COL11A1: variants seen among roughly 807,000 people sequenced by gnomAD.
The protein encoded by COL11A1 is collagen type XI alpha 1 chain.
In COL11A1, 74 loss-of-function variants were observed where a neutral mutation model predicts 265.2. The observed-to-expected ratio is 0.28, with a 90% CI of 0.23 to 0.34. The LOEUF (loss-of-function observed/expected upper bound fraction) is 0.34. Ranked by LOEUF, COL11A1 falls within the 10% of genes least tolerant of loss-of-function variation. The pLI, the probability that COL11A1 is intolerant of heterozygous loss-of-function variation, is 1.00. For missense variants in COL11A1, 2,165 were observed against 2,263.6 expected (o/e 0.96, Z 0.88); for synonymous variants, 816 against 727.6 (o/e 1.12, Z -1.96).
At chr1:102,940,596 G>T (rs1278085349) in intron 42 of COL11A1, among the ~76,000 whole-genome samples, 162 bp from the exon 43 acceptor site, 1 of 152,090 alleles carries the variant, frequency 6.6e-6, no homozygotes, top group African/African-American at 2.4e-5. Flanking sequence ...TTGTGACTAA[G>T]AATACTATTT....
At chr1:103,021,820 T>G in intron 8 of COL11A1, 51 bp from the exon 9 acceptor site, 1 of 1,244,944 alleles carries the variant, frequency 8.0e-7, no homozygotes, top group African/African-American at 1.6e-5. Context: ...GACCATTTCT[T>G]TCTTTCTTTC....
At chr1:103,054,786 A>G (rs994406129) in intron 4 of COL11A1, among the ~76,000 whole-genome samples, 1 of 152,058 alleles carries the variant, frequency 6.6e-6, no homozygotes, top group Non-Finnish European at 1.5e-5. Flanking sequence ...CTGTAATCCC[A>G]GATACTCTGG....
At chr1:102,902,960 C>T (rs12075301) in intron 54 of COL11A1, among the ~76,000 whole-genome samples, 2,434 of 151,744 alleles carry the variant, frequency 0.016, 72 homozygotes, top group African/African-American at 0.056. Context: ...CAGTTAATAA[C>T]AACAGTTACC....
intron 4 of COL11A1, among the ~76,000 whole-genome samples, chr1:103,063,965 T>C (rs1670872907): frequency 6.6e-6 from 1 of 152,180 alleles, no homozygotes; most frequent in Admixed American, 6.5e-5. Flanking sequence ...TTCAACATCA[T>C]ATGTCATTAG....
chr1:102,877,019 T>C lies in COL11A1; in HGVS notation c.*1000A>G, dbSNP rs1306015294. On this transcript the variant is annotated 3_prime_UTR_variant, in exon 67 of 67. Transcript: ENST00000370096. ...CTTGATTGATAAGAAAATCTAACATTGCACAAATTCATAAATAATTGCTTA... is the reference window on the plus strand; with the variant it reads ...CTTGATTGATAAGAAAATCTAACATCGCACAAATTCATAAATAATTGCTTA... 1.3e-5 allele frequency: 2 copies of C among 152,578 alleles called. No homozygotes were observed. The highest frequency in any genetic ancestry group is 2.9e-5 in the Non-Finnish European group (2 of 68,004). 9.5% of individuals were successfully genotyped at this position (152,578 alleles called of 1,614,324 possible). A position where few individuals can be genotyped will look rare whatever the true frequency, so the allele number is the denominator to read the frequency against.
chr1:103,015,578 T>C (rs1666496337), intron 12 of COL11A1, 90 bp downstream of exon 12: 2 of 981,402 alleles, frequency 2.0e-6, no homozygotes, highest in Admixed American at 4.3e-5. Context: ...TGGTTTTTAG[T>C]TGATTGCTCT....
chr1:102,890,526 AC>A (rs750719217), intron 57 of COL11A1, 22 bp from the exon 58 acceptor site: 5 of 1,531,730 alleles, frequency 3.3e-6, no homozygotes, highest in South Asian at 1.2e-5. Context: ...CAAAAAAAAA[AC>A]CCCAAAACAA....
chr1:103,028,590 G>A (rs1245609872), intron 5 of COL11A1, among the ~76,000 whole-genome samples: 1 of 151,994 alleles, frequency 6.6e-6, no homozygotes, highest in African/African-American at 2.4e-5. Context: ...AAAAAGACAG[G>A]CAGTAATGGA....
In COL11A1 at chr1:103,108,062, T is replaced by C. The variant is rs766679266; in HGVS notation, c.106+11A>G. The C allele has an allele frequency of 7.4e-6, 12 of 1,610,762 alleles. No individual in the cohort carries two copies. The African/African-American group carries it at 8.0e-5, about 11-fold the overall frequency. On this transcript the variant is annotated intron_variant, in intron 1 of 66. Transcript: ENST00000370096. ...GCAATCTCCCACCTCCCCAAATCCATTTTTTCTTACCTCCTCTGACCTCTC... is the reference window on the plus strand; with the variant it reads ...GCAATCTCCCACCTCCCCAAATCCACTTTTTCTTACCTCCTCTGACCTCTC...
At chr1:102,881,187 A>T (rs1650197143) in intron 65 of COL11A1, among the ~76,000 whole-genome samples, 1 of 152,096 alleles carries the variant, frequency 6.6e-6, no homozygotes, top group Non-Finnish European at 1.5e-5. Flanking sequence ...GATTAATTTA[A>T]TTTTGACATC....
At chr1:103,064,233 T>C (rs1670896723) in intron 4 of COL11A1, among the ~76,000 whole-genome samples, 1 of 152,106 alleles carries the variant, frequency 6.6e-6, no homozygotes, top group African/African-American at 2.4e-5. Context: ...AATTTATGCC[T>C]ACATGAAAAC....
At chr1:102,943,843 C>A (rs1340244365) in intron 42 of COL11A1, among the ~76,000 whole-genome samples, 1 of 152,080 alleles carries the variant, frequency 6.6e-6, no homozygotes, top group Non-Finnish European at 1.5e-5. Context: ...CTACAACTGT[C>A]CCCAAATAGA....
At chr1:103,023,725 ATAAGTT>A (rs1353061471) in intron 7 of COL11A1, among the ~76,000 whole-genome samples, 2 of 152,206 alleles carry the variant, frequency 1.3e-5, no homozygotes, top group South Asian at 2.1e-4. Context: ...GATAAGCCAT[ATAAGTT>A]TGAGTCTCAT....
chr1:103,032,611 A>G (rs1343071373), intron 4 of COL11A1, among the ~76,000 whole-genome samples: 1 of 152,098 alleles, frequency 6.6e-6, no homozygotes, highest in Non-Finnish European at 1.5e-5. Flanking sequence ...AGAATTGAGT[A>G]TAAGTTATTT....
intron 35 of COL11A1, among the ~76,000 whole-genome samples, chr1:102,977,023 C>A (rs1662559143): frequency 6.6e-6 from 1 of 152,006 alleles, no homozygotes; most frequent in Non-Finnish European, 1.5e-5. Context: ...CCATGTATAA[C>A]TGTATAGTTA....
At chr1:103,097,701 G>A (rs1673894451) in intron 1 of COL11A1, among the ~76,000 whole-genome samples, 1 of 151,982 alleles carries the variant, frequency 6.6e-6, no homozygotes, top group African/African-American at 2.4e-5. Flanking sequence ...ACGTGGCAAT[G>A]AAATGAATGA....
intron 28 of COL11A1, among the ~76,000 whole-genome samples, chr1:102,992,684 C>T (rs1664254835): frequency 6.6e-6 from 1 of 151,812 alleles, no homozygotes; most frequent in South Asian, 2.1e-4. Context: ...AAATTGTAAT[C>T]TATAATAAAA....
At chr1:103,092,131 C>T (rs1171936045) in intron 1 of COL11A1, among the ~76,000 whole-genome samples, 1 of 152,010 alleles carries the variant, frequency 6.6e-6, no homozygotes, top group Admixed American at 6.6e-5. Context: ...TCAATTGTAT[C>T]AGCATCCCAT....
chr1:102,919,192 CTTTAAA>C (rs1238133265), intron 49 of COL11A1, among the ~76,000 whole-genome samples: 32 of 151,848 alleles, frequency 2.1e-4, no homozygotes, highest in Admixed American at 2.0e-3. Flanking sequence ...CAACACACAA[CTTTAAA>C]TTTAAGAATA....
Sources: allele counts gnomAD v4.1 joint callset (sites outside exome capture counted in the v4.1 genomes callset), GRCh38; gene constraint gnomAD v4.1.1; transcripts MANE v1.5; gene names NCBI Gene and HGNC (gene_info 2026-07-23, HGNC 2026-07-21).